The following RYR2 variants were observed in gnomAD, a reference collection of about 807,000 sequenced individuals.
RYR2 encodes cardiac muscle ryanodine receptor-calcium release channel.
RYR2 carries 227 observed loss-of-function variants against 601.1 expected under a neutral mutation model. That is an observed-to-expected ratio of 0.38 (90% CI 0.34 to 0.42). RYR2 has a LOEUF of 0.42. Ranked by LOEUF, RYR2 falls within the 10% of genes least tolerant of loss-of-function variation. The pLI is 1.00. For missense variants in RYR2, 4,646 were observed against 6,156.5 expected, an observed-to-expected ratio of 0.75 and a Z score of 8.21; for synonymous variants, 2,223 against 2,175.1, an observed-to-expected ratio of 1.02 and a Z score of -0.61.
intron 34 of RYR2, among the ~76,000 whole-genome samples, chr1:237,596,603 T>G (rs909683349): frequency 6.4e-5 from 9 of 140,032 alleles, no homozygotes; most frequent in African/African-American, 2.2e-4. Context: ...TTTAACAAAA[T>G]AATGACTAAT....
intron 25 of RYR2, among the ~76,000 whole-genome samples, chr1:237,533,785 T>A (rs956105428): frequency 6.6e-6 from 1 of 152,168 alleles, no homozygotes; most frequent in African/African-American, 2.4e-5. Context: ...TAATTATCTT[T>A]GGTATAAATA....
intron 1 of RYR2, among the ~76,000 whole-genome samples, chr1:237,198,842 CTT>C (rs11377436): frequency 1.1e-4 from 16 of 147,922 alleles, no homozygotes; most frequent in East Asian, 4.0e-4. Flanking sequence ...ATTTTCTTAT[CTT>C]TTTTTTTTTT....
intron 1 of RYR2, among the ~76,000 whole-genome samples, chr1:237,074,011 A>G (rs1034681480): frequency 6.6e-6 from 1 of 151,982 alleles, no homozygotes; most frequent in African/African-American, 2.4e-5. Context: ...GGCTATGAGA[A>G]GATTTAAAAT....
intron 1 of RYR2, among the ~76,000 whole-genome samples, chr1:237,173,355 T>C (rs993675618): frequency 6.6e-6 from 1 of 152,198 alleles, no homozygotes; most frequent in Non-Finnish European, 1.5e-5. Flanking sequence ...GGCAAATTAC[T>C]TAATCTCTCC....
At chr1:237,592,987 C>A (rs1391139546) in intron 32 of RYR2, among the ~76,000 whole-genome samples, 1 of 151,124 alleles carries the variant, frequency 6.6e-6, no homozygotes. Context: ...CACCACTACA[C>A]CCCAGCCTGG....
chr1:237,122,681 A>AAAACAAACAAAC (rs147076319), intron 1 of RYR2, among the ~76,000 whole-genome samples: 3 of 150,600 alleles, frequency 2.0e-5, no homozygotes, highest in East Asian at 2.0e-4. Flanking sequence ...GACCGTCTCA[A>AAAACAAACAAAC]AAACAAACAA....
intron 14 of RYR2, among the ~76,000 whole-genome samples, chr1:237,449,273 C>T (rs965007077): frequency 4.6e-5 from 7 of 152,008 alleles, no homozygotes; most frequent in Admixed American, 1.3e-4. Flanking sequence ...TGGTTACTTA[C>T]GGATTAAAGC....
intron 2 of RYR2, among the ~76,000 whole-genome samples, chr1:237,310,258 GC>G: frequency 6.6e-6 from 1 of 152,318 alleles, no homozygotes; most frequent in Non-Finnish European, 1.5e-5. Context: ...GGTATCTACT[GC>G]TTTTGTAGAT....
intron 27 of RYR2, among the ~76,000 whole-genome samples, chr1:237,552,759 A>T (rs1181684300): frequency 6.6e-6 from 1 of 151,994 alleles, no homozygotes; most frequent in African/African-American, 2.4e-5. Context: ...GTAATAATTT[A>T]CTGTTTGTTT....
At position 237,555,440 on chromosome 1, in the gene RYR2, A is replaced by G. The variant is rs181515314; in HGVS notation, c.3214+4749A>G. On this transcript the variant is annotated intron_variant, in intron 27 of 104. Coordinates refer to ENST00000366574, the MANE Select transcript of RYR2 (RefSeq NM_001035.3). ...TGGAAAGATACTTATATAATGATAA[A>G]GATAAAATTTTGGGGAAAAAACTCA... Among the ~76,000 whole-genome samples the G allele has an allele frequency of 2.5e-3, 373 of 152,244 alleles. 2 individuals are homozygous for G. Among genetic ancestry groups the G allele is most frequent in the African/African-American group, 8.4e-3 (349 of 41,574 alleles).
chr1:237,398,165 G>A (rs1447119204), intron 10 of RYR2, among the ~76,000 whole-genome samples: 1 of 152,080 alleles, frequency 6.6e-6, no homozygotes, highest in Non-Finnish European at 1.5e-5. Flanking sequence ...GTCTCATCAT[G>A]GCCAGAACTC....
In RYR2 at chr1:237,346,853, A is replaced by G. The variant is rs1572676913; in HGVS notation, c.274-9112A>G. ...AATCCCATATGATATTACAGTATGG[A>G]GAGATGCTTTTCTTTTTATTTATAA... On this transcript the variant is annotated intron_variant, in intron 3 of 104. Transcript: ENST00000366574. Among the ~76,000 whole-genome samples, 3 of 152,296 alleles carry G rather than the reference A, an allele frequency of 2.0e-5. No homozygotes were observed. In the South Asian group the frequency reaches 6.2e-4, roughly 32 times the overall value.
intron 2 of RYR2, among the ~76,000 whole-genome samples, chr1:237,296,886 A>G (rs1306871511): frequency 6.6e-6 from 1 of 152,208 alleles, no homozygotes; most frequent in Non-Finnish European, 1.5e-5. Context: ...GTCTAAATAA[A>G]CTGAAACAAT....
In RYR2 at chr1:237,374,808, T is replaced by G; in HGVS notation, c.463+13T>G. 6.2e-7 allele frequency: 1 copy of G among 1,606,998 alleles called. No individual in the cohort carries two copies. Among genetic ancestry groups the G allele is most frequent in the Non-Finnish European group, 8.5e-7 (1 of 1,176,060 alleles). ...GAGGACACCACAGGTAAGCATCTTGTGCTGCGGGAAGCCAGGTTCAGAGAG... is the reference window on the plus strand; with the variant it reads ...GAGGACACCACAGGTAAGCATCTTGGGCTGCGGGAAGCCAGGTTCAGAGAG... On this transcript the variant is annotated intron_variant, in intron 7 of 104. Transcript: ENST00000366574.
At chr1:237,380,019 A>G (rs1416428911) in intron 8 of RYR2, among the ~76,000 whole-genome samples, 2 of 152,148 alleles carry the variant, frequency 1.3e-5, no homozygotes, top group African/African-American at 2.4e-5. Context: ...TCAAACACAT[A>G]CAGAGCTGTA....
chr1:237,337,129 G>A (rs1446225913), intron 3 of RYR2, among the ~76,000 whole-genome samples: 37 of 151,702 alleles, frequency 2.4e-4, no homozygotes, highest in Admixed American at 2.3e-3. Context: ...ACACGTGCCT[G>A]TAATCCCAGC....
intron 2 of RYR2, among the ~76,000 whole-genome samples, chr1:237,329,345 T>C (rs1057348442): frequency 2.0e-5 from 3 of 151,872 alleles, no homozygotes; most frequent in Admixed American, 2.0e-4. Context: ...TTTTTTTATA[T>C]TTAAAAAAAA....
At chr1:237,789,831 G>T (rs1246260613) in intron 92 of RYR2, among the ~76,000 whole-genome samples, 1 of 152,168 alleles carries the variant, frequency 6.6e-6, no homozygotes, top group African/African-American at 2.4e-5. Context: ...TCTAACAAAG[G>T]CCCCTTTTCC....
chr1:237,530,180 G>A (rs575980840), intron 24 of RYR2, among the ~76,000 whole-genome samples: 3 of 152,108 alleles, frequency 2.0e-5, no homozygotes, highest in South Asian at 2.1e-4. Context: ...GTGTGGTGGC[G>A]GGCACCTGTA....
Sources: allele counts gnomAD v4.1 joint callset (sites outside exome capture counted in the v4.1 genomes callset), GRCh38; gene constraint gnomAD v4.1.1; transcripts MANE v1.5; gene names NCBI Gene and HGNC (gene_info 2026-07-23, HGNC 2026-07-21).